The following ATP8A1 variants were observed in gnomAD, a reference collection of about 807,000 sequenced individuals.
ATP8A1 encodes phospholipid-transporting ATPase IA.
Under a neutral mutation model 177.7 loss-of-function variants are expected in ATP8A1, and 90 were observed. The ratio of observed to expected loss-of-function variants is 0.51; its 90% CI spans 0.43 to 0.60. The LOEUF (loss-of-function observed/expected upper bound fraction) is 0.60, where lower values mean the gene tolerates loss of function less well. ATP8A1 is among the 20% of genes least tolerant of loss of function. The probability of loss-of-function intolerance (pLI) is 0.00; values close to 1 mark genes in which losing one functional copy is unlikely to be tolerated. For missense variants in ATP8A1, 1,072 were observed against 1,392.8 expected (o/e 0.77, Z 3.67); for synonymous variants, 493 against 485.9 (o/e 1.01, Z -0.19).
At chr4:42,513,546 T>C (rs538122712) in intron 22 of ATP8A1, among the ~76,000 whole-genome samples, 1 of 152,146 alleles carries the variant, frequency 6.6e-6, no homozygotes, top group South Asian at 2.1e-4. Flanking sequence ...AGGGAGGTGA[T>C]TCCAAATGAG....
chr4:42,433,768 A>G (rs766492656), intron 33 of ATP8A1, among the ~76,000 whole-genome samples: 3 of 152,076 alleles, frequency 2.0e-5, no homozygotes, highest in African/African-American at 4.8e-5. Context: ...AGGGGTTATC[A>G]TCTCGTGGGG....
At chr4:42,426,787 C>G (rs1360210073) in intron 33 of ATP8A1, among the ~76,000 whole-genome samples, 1 of 152,126 alleles carries the variant, frequency 6.6e-6, no homozygotes, top group Non-Finnish European at 1.5e-5. Context: ...TCAATAATAT[C>G]ACAGCACACG....
intron 24 of ATP8A1, among the ~76,000 whole-genome samples, chr4:42,496,751 TAC>T (rs1404821138): frequency 1.3e-5 from 2 of 152,018 alleles, no homozygotes; most frequent in African/African-American, 2.4e-5. Context: ...TACACACATA[TAC>T]ACACATATAT....
Position 42,522,184 on chromosome 4 carries a change from T to C in ATP8A1, c.1923A>G (p.Glu641=), listed in dbSNP as rs1489389581. 1 of 1,612,374 alleles carries C rather than the reference T, an allele frequency of 6.2e-7. No individual in the cohort carries two copies. The highest frequency in any genetic ancestry group is 1.1e-5 in the South Asian group (1 of 90,570). Residue 641 remains glutamate (E), a synonymous_variant, in exon 22 of 37, where the codon GAA becomes GAG. Coordinates refer to ENST00000381668, the MANE Select transcript of ATP8A1 (RefSeq NM_006095.2). Reference sequence around the variant, plus strand: ...CCTTTTCAATCAACTCATAACTCTCTTCGAGTTTGAGTAGCCTGTTCTGCA... The same window carrying C: ...CCTTTTCAATCAACTCATAACTCTCCTCGAGTTTGAGTAGCCTGTTCTGCA... ...TSVQNRLLKL[E]ESYELIEKNL...
intron 33 of ATP8A1, among the ~76,000 whole-genome samples, chr4:42,429,711 A>G (rs554630896): frequency 4.2e-4 from 64 of 152,328 alleles, no homozygotes; most frequent in African/African-American, 1.4e-3. Context: ...ACTGTTCACT[A>G]TAGCCAAAGG....
intron 25 of ATP8A1, among the ~76,000 whole-genome samples, chr4:42,480,953 T>G (rs923378284): frequency 1.3e-5 from 2 of 152,224 alleles, no homozygotes; most frequent in African/African-American, 4.8e-5. Flanking sequence ...AGCTGGAGGC[T>G]CTAAGCCAAT....
Position 42,413,020 on chromosome 4 carries a change from G to A in ATP8A1, c.3398-7C>T. The A allele has an allele frequency of 2.5e-6, 4 of 1,610,616 alleles. No homozygotes were observed. Among genetic ancestry groups the A allele is most frequent in the Non-Finnish European group, 3.4e-6 (4 of 1,177,470 alleles). Reference sequence around the variant, plus strand: ...TGAGAGAACGCATACCCATCTGTAGGTTAATGATAAAACAGAAATTCTCAC... The same window carrying A: ...TGAGAGAACGCATACCCATCTGTAGATTAATGATAAAACAGAAATTCTCAC... On this transcript the variant is annotated splice_polypyrimidine_tract_variant and splice_region_variant and intron_variant, in intron 36 of 36. Transcript: ENST00000381668.
rs1720024828 is a variant in ATP8A1 at position 42,468,418 on chromosome 4, TTA to T, written c.2325-3344_2325-3343del. Among the ~76,000 whole-genome samples the T allele has an allele frequency of 5.4e-5, 7 of 130,128 alleles. No individual in the cohort carries two copies. The South Asian group carries it at 1.8e-3, about 33-fold the overall frequency. 85.4% of individuals were successfully genotyped at this position (130,128 alleles called of 152,430 possible). On this transcript the variant is annotated intron_variant, in intron 25 of 36. Coordinates refer to ENST00000381668, the MANE Select transcript of ATP8A1 (RefSeq NM_006095.2). The stretch of plus-strand genomic sequence containing the variant: ...TGTATATATTTTATATATACATATT[TTA>T]TATATTTTATACACACACACACACA...
At chr4:42,506,065 C>A (rs769443665) in intron 23 of ATP8A1, among the ~76,000 whole-genome samples, 1 of 152,158 alleles carries the variant, frequency 6.6e-6, no homozygotes, top group East Asian at 1.9e-4. Context: ...AACTCCTAAC[C>A]GCCAGTGACA....
chr4:42,654,805 A>T (rs1741460506), intron 1 of ATP8A1, among the ~76,000 whole-genome samples: 1 of 152,236 alleles, frequency 6.6e-6, no homozygotes, highest in Non-Finnish European at 1.5e-5. Flanking sequence ...CAATCAGCTG[A>T]GGCCAAAAAG....
At chr4:42,430,481 T>C (rs1577915297) in intron 33 of ATP8A1, among the ~76,000 whole-genome samples, 2 of 94,892 alleles carry the variant, frequency 2.1e-5, no homozygotes, top group East Asian at 6.7e-4. Flanking sequence ...CGCTAGTGCC[T>C]TTTTTTTTTT....
chr4:42,590,191 TAGAC>T (rs1553911801), intron 7 of ATP8A1, among the ~76,000 whole-genome samples: 1 of 152,220 alleles, frequency 6.6e-6, no homozygotes, highest in Non-Finnish European at 1.5e-5. Flanking sequence ...CAGTCACTAG[TAGAC>T]AGCTGAAATT....
At chr4:42,483,673 G>GT (rs1259090480) in intron 25 of ATP8A1, among the ~76,000 whole-genome samples, 2 of 152,174 alleles carry the variant, frequency 1.3e-5, no homozygotes, top group Admixed American at 6.5e-5. Context: ...CTGCTTTCTA[G>GT]TTTTTTCTCT....
chr4:42,430,520 G>A (rs982093327), intron 33 of ATP8A1, among the ~76,000 whole-genome samples: 2 of 150,854 alleles, frequency 1.3e-5, no homozygotes, highest in African/African-American at 2.4e-5. Context: ...AGGAGTACAC[G>A]TGCAGGTTTG....
chr4:42,425,936 T>C (rs1467676109), intron 33 of ATP8A1, among the ~76,000 whole-genome samples: 5 of 152,180 alleles, frequency 3.3e-5, no homozygotes, highest in Admixed American at 3.3e-4. Flanking sequence ...GCAAAGCTGG[T>C]AACAGGAGGG....
intron 14 of ATP8A1, among the ~76,000 whole-genome samples, chr4:42,571,535 T>C (rs1043255878): frequency 6.6e-5 from 10 of 151,906 alleles, no homozygotes; most frequent in African/African-American, 9.7e-5. Context: ...TTGAGATTTG[T>C]GGCCCCTGAA....
chr4:42,460,873 C>G (rs1719053283), intron 27 of ATP8A1, among the ~76,000 whole-genome samples: 1 of 152,110 alleles, frequency 6.6e-6, no homozygotes, highest in South Asian at 2.1e-4. Context: ...CTGCAGAGCT[C>G]CAACAGGGAC....
chr4:42,648,955 T>C (rs1211303203), intron 1 of ATP8A1, among the ~76,000 whole-genome samples: 2 of 152,148 alleles, frequency 1.3e-5, no homozygotes, highest in African/African-American at 2.4e-5. Flanking sequence ...TCACTTTCAG[T>C]GGGAGTGTAA....
intron 25 of ATP8A1, among the ~76,000 whole-genome samples, 196 bp from the exon 26 acceptor site, chr4:42,465,272 A>C (rs113322862): frequency 3.3e-5 from 5 of 152,354 alleles, no homozygotes; most frequent in African/African-American, 1.2e-4. Flanking sequence ...AAAATAAATA[A>C]AAACAAGCCT....
Sources: gnomAD v4.1 joint callset for allele counts (sites outside exome capture counted in the v4.1 genomes callset) on GRCh38, gnomAD v4.1.1 for gene constraint, MANE v1.5 for transcripts, NCBI Gene and HGNC (gene_info 2026-07-23, HGNC 2026-07-21) for gene names.